CNTLN: variants seen among roughly 807,000 people sequenced by gnomAD.
The protein encoded by CNTLN is centlein, centrosomal protein.
CNTLN carries 212 observed loss-of-function variants against 180.0 expected under a neutral mutation model. The observed-to-expected ratio is 1.18, with a 90% CI of 1.05 to 1.32. The LOEUF (loss-of-function observed/expected upper bound fraction) is 1.32. Ranked by LOEUF, CNTLN falls within the 40% of genes most tolerant of loss-of-function variation. The pLI, the probability that CNTLN is intolerant of heterozygous loss-of-function variation, is 0.00. For missense variants in CNTLN, 2,095 were observed against 1,610.9 expected (o/e 1.30, Z -5.14); for synonymous variants, 722 against 563.1 (o/e 1.28, Z -3.99).
chr9:17,402,661 G>A (rs1827074573), intron 15 of CNTLN, among the ~76,000 whole-genome samples: 1 of 151,838 alleles, frequency 6.6e-6, no homozygotes, highest in African/African-American at 2.4e-5. Context: ...AATGGCCTCT[G>A]TGAGCAAGAG....
downstream of CNTLN, among the ~76,000 whole-genome samples, chr9:17,504,250 C>T (rs1348037611): frequency 6.6e-6 from 1 of 152,124 alleles, no homozygotes; most frequent in South Asian, 2.1e-4. Context: ...TGTGATGACA[C>T]TGTATACCCA....
At chr9:17,387,487 T>C (rs889186665) in intron 13 of CNTLN, among the ~76,000 whole-genome samples, 3 of 152,194 alleles carry the variant, frequency 2.0e-5, no homozygotes, top group Non-Finnish European at 4.4e-5. Context: ...ACTTTGTTTT[T>C]TCTTTAAGGT....
At position 17,236,523 on chromosome 9, in the gene CNTLN, G is replaced by C. The variant is rs546764618; in HGVS notation, c.784G>C (p.Glu262Gln). 6.8e-6 allele frequency: 11 copies of C among 1,613,538 alleles called. No individual in the cohort carries two copies. The African/African-American group carries it at 1.2e-4, about 18-fold the overall frequency. Residue 262 changes from glutamate (E) to glutamine (Q), a missense_variant, in exon 5 of 26, where the codon GAG (glutamate) becomes CAG (glutamine). By Grantham distance (29) the Glu-to-Gln change is conservative. Transcript: ENST00000380647. ...TRCTDLLNDL[E>Q]KLRKQEAHLR... ...CTGCACTGACCTGCTAAATGACCTG[G>C]AGAAATTGAGGAAGCAGGAAGCACA... is the stretch of plus-strand genomic sequence containing the variant.
intron 23 of CNTLN, among the ~76,000 whole-genome samples, chr9:17,482,580 C>G (rs1322531784): frequency 6.6e-6 from 1 of 150,984 alleles, no homozygotes; most frequent in Non-Finnish European, 1.5e-5. Flanking sequence ...TTTTAAGGGG[C>G]AGAGAATCTA....
At chr9:17,365,550 T>C (rs544916551) in intron 12 of CNTLN, among the ~76,000 whole-genome samples, 1 of 152,350 alleles carries the variant, frequency 6.6e-6, no homozygotes, top group Non-Finnish European at 1.5e-5. Flanking sequence ...CAATTCTGTT[T>C]TACTGGAAAG....
rs756694065 is a variant in CNTLN, at chr9:17,484,441, G to A, written c.4002G>A (p.Arg1334=). Residue 1334 remains arginine (R), a synonymous_variant, in exon 24 of 26, where the codon CGG becomes CGA. Transcript: ENST00000380647. ...CAGCTTCTATCCTGAACATTTCACG[G>A]TCAGATTTAGAGGAAATATTAGACA... ...TLAASILNIS[R]SDLEEILDTE... is the part of the protein sequence containing the mutation. 1.2e-6 allele frequency: 2 copies of A among 1,605,616 alleles called. No individual in the cohort carries two copies. Among genetic ancestry groups the A allele is most frequent in the African/African-American group, 2.7e-5 (2 of 74,278 alleles).
Position 17,226,210 on chromosome 9 carries a change from C to T in CNTLN, c.457C>T (p.Gln153Ter). 6.4e-7 allele frequency: 1 copy of T among 1,556,082 alleles called. No individual in the cohort carries two copies. The highest frequency in any genetic ancestry group is 8.7e-7 in the Non-Finnish European group (1 of 1,149,036). The stretch of plus-strand genomic sequence containing the variant: ...TCTATATTTTATATCTAGAGAAAAA[C>T]AGAAATCTGAAGCTAAAGACAGAAA... The part of the protein sequence containing the change: ...VVSLVVEREK[Q>*]KSEAKDRKVL... The change falls in exon 3 of 26, where the codon CAG becomes TAG. Residue 153 changes from glutamine to a stop codon, truncating the protein, a stop_gained. Coordinates refer to ENST00000380647, the MANE Select transcript of CNTLN (RefSeq NM_017738.4). LOFTEE classifies it high-confidence loss of function.
intron 15 of CNTLN, among the ~76,000 whole-genome samples, chr9:17,408,128 C>CAAAAAAAA (rs34374959): frequency 5.1e-5 from 3 of 59,060 alleles, no homozygotes; most frequent in African/African-American, 7.6e-5. Flanking sequence ...GACTCTGTCT[C>CAAAAAAAA]AAAAAAAAAA....
chr9:17,260,509 C>G (rs937723439), intron 5 of CNTLN, among the ~76,000 whole-genome samples: 6 of 150,946 alleles, frequency 4.0e-5, no homozygotes, highest in Non-Finnish European at 7.4e-5. Flanking sequence ...TTAATGGGAT[C>G]ATTTGTTTTT....
At chr9:17,181,378 T>C (rs1380885805) in intron 2 of CNTLN, among the ~76,000 whole-genome samples, 1 of 152,260 alleles carries the variant, frequency 6.6e-6, no homozygotes, top group Middle Eastern at 3.2e-3. Context: ...TTTCGTTGTA[T>C]CTTCTGTCTC....
intron 13 of CNTLN, among the ~76,000 whole-genome samples, chr9:17,384,657 C>G (rs1825549243): frequency 6.6e-6 from 1 of 152,048 alleles, no homozygotes; most frequent in Admixed American, 6.6e-5. Context: ...TTATAGTTGG[C>G]TGATCTGACT....
intron 2 of CNTLN, among the ~76,000 whole-genome samples, chr9:17,220,835 C>T (rs113551140): frequency 1.3e-5 from 2 of 152,090 alleles, no homozygotes; most frequent in Non-Finnish European, 2.9e-5. Context: ...TTTTCTTTAT[C>T]CAGTCCATCA....
chr9:17,201,318 G>A (rs183439136), intron 2 of CNTLN, among the ~76,000 whole-genome samples: 2 of 152,274 alleles, frequency 1.3e-5, no homozygotes, highest in African/African-American at 4.8e-5. Context: ...GTCTCTGCCA[G>A]GTTTTGGTAT....
intron 16 of CNTLN, among the ~76,000 whole-genome samples, chr9:17,411,133 A>T (rs1324651326): frequency 1.3e-5 from 2 of 152,144 alleles, no homozygotes; most frequent in Non-Finnish European, 2.9e-5. Context: ...TAGGTACCTC[A>T]GCACTCAAGG....
chr9:17,488,864 C>T (rs895591479), intron 25 of CNTLN, among the ~76,000 whole-genome samples: 2 of 152,028 alleles, frequency 1.3e-5, no homozygotes, highest in African/African-American at 2.4e-5. Context: ...AATGGAGCAG[C>T]CTTTATGAAC....
chr9:17,135,565 C>A (rs1817653665), intron 1 of CNTLN, 140 bp downstream of exon 1: 2 of 1,184,154 alleles, frequency 1.7e-6, no homozygotes, highest in Non-Finnish European at 2.3e-6. Context: ...GCTTCGCTCG[C>A]GGCCGGGGGC....
chr9:17,466,829 G>A lies in CNTLN; in HGVS notation c.3793G>A (p.Gly1265Ser). 1.2e-6 allele frequency: 2 copies of A among 1,610,872 alleles called. No individual in the cohort carries two copies. The highest frequency in any genetic ancestry group is 1.3e-5 in the African/African-American group (1 of 74,742). ...LALQSEQVLE[G>S]AQKTLLLANE... ...ATTGCAAAGTGAACAGGTCCTAGAA[G>A]GTGCACAGAAGACATTGCTGTTAGC... Residue 1265 changes from glycine (G) to serine (S), a missense_variant, in exon 23 of 26, where the codon GGT becomes AGT. By Grantham distance (56) the Gly-to-Ser change is moderately conservative (BLOSUM62 0). Coordinates refer to ENST00000380647, the MANE Select transcript of CNTLN (RefSeq NM_017738.4).
At chr9:17,457,011 G>A (rs966236921) in intron 18 of CNTLN, among the ~76,000 whole-genome samples, 1 of 152,086 alleles carries the variant, frequency 6.6e-6, no homozygotes. Context: ...TTGTTTGCAC[G>A]CTATTTATTT....
chr9:17,445,092 T>C (rs1830324820), intron 18 of CNTLN, among the ~76,000 whole-genome samples: 1 of 152,202 alleles, frequency 6.6e-6, no homozygotes, highest in Non-Finnish European at 1.5e-5. Flanking sequence ...TTTTTAAAAG[T>C]CCTTTCTAAA....
Sources: gnomAD v4.1 joint callset for allele counts (sites outside exome capture counted in the v4.1 genomes callset) on GRCh38, gnomAD v4.1.1 for gene constraint, MANE v1.5 for transcripts, NCBI Gene and HGNC (gene_info 2026-07-23, HGNC 2026-07-21) for gene names.